Variants in ENTREP2 observed in about 807,000 individuals in gnomAD.
ENTREP2 encodes the protein endosomal transmembrane epsin interactor 2, also known as protein ENTREP2.
At chr15:29,468,557 C>A in the ENTREP2 span, among the ~76,000 whole-genome samples, 1 of 150,762 alleles carries the variant, frequency 6.6e-6, no homozygotes, top group African/African-American at 2.4e-5. Flanking sequence ...TTGCAGTGAG[C>A]CGAGATTGCC....
At chr15:29,210,839 C>T in the ENTREP2 span, among the ~76,000 whole-genome samples, 1 of 152,204 alleles carries the variant, frequency 6.6e-6, no homozygotes, top group Non-Finnish European at 1.5e-5. Flanking sequence ...TAATGGACTA[C>T]AACAAATCCC....
the ENTREP2 span, among the ~76,000 whole-genome samples, chr15:29,530,863 A>G: frequency 2.6e-5 from 4 of 152,210 alleles, no homozygotes; most frequent in South Asian, 8.3e-4. Context: ...CAGAGTTCCA[A>G]CCACAGGCCC....
At chr15:29,494,231 C>G in the ENTREP2 span, among the ~76,000 whole-genome samples, 1 of 151,652 alleles carries the variant, frequency 6.6e-6, no homozygotes, top group Admixed American at 6.6e-5. Context: ...AAACGCTTTC[C>G]AATATTTCAA....
the ENTREP2 span, among the ~76,000 whole-genome samples, chr15:29,599,577 A>T: frequency 6.6e-6 from 1 of 152,212 alleles, no homozygotes; most frequent in African/African-American, 2.4e-5. Flanking sequence ...TAAGCTCCAT[A>T]AGCCTATTTC....
the ENTREP2 span, among the ~76,000 whole-genome samples, chr15:29,568,533 T>TA: frequency 0.055 from 8,219 of 150,232 alleles, 600 homozygotes; most frequent in East Asian, 0.35. Context: ...CCCCATCTCT[T>TA]AAAAAAAAAA....
At chr15:29,535,426 G>A in the ENTREP2 span, among the ~76,000 whole-genome samples, 2 of 151,870 alleles carry the variant, frequency 1.3e-5, no homozygotes, top group Non-Finnish European at 2.9e-5. Context: ...GCTCATGCCT[G>A]TAATCCCACA....
chr15:29,365,159 T>G, the ENTREP2 span, among the ~76,000 whole-genome samples: 2 of 152,218 alleles, frequency 1.3e-5, no homozygotes, highest in Admixed American at 1.3e-4. Context: ...TGGTTGGAAC[T>G]ATACAGTCTA....
the ENTREP2 span, among the ~76,000 whole-genome samples, chr15:29,330,405 C>T: frequency 5.3e-5 from 8 of 152,100 alleles, no homozygotes; most frequent in East Asian, 5.8e-4. Flanking sequence ...GCCGAGATCA[C>T]GCCACTGCAC....
chr15:29,421,662 G>A, the ENTREP2 span, among the ~76,000 whole-genome samples: 1 of 152,106 alleles, frequency 6.6e-6, no homozygotes, highest in Non-Finnish European at 1.5e-5. Flanking sequence ...AACTTACAAT[G>A]CTCAAACTAC....
At chr15:29,332,957 C>T in the ENTREP2 span, among the ~76,000 whole-genome samples, 1 of 133,058 alleles carries the variant, frequency 7.5e-6, no homozygotes, top group Non-Finnish European at 1.6e-5. Flanking sequence ...GAAACTCCAT[C>T]TCAAAAAAAA....
At chr15:29,222,518 C>G in the ENTREP2 span, among the ~76,000 whole-genome samples, 1 of 152,152 alleles carries the variant, frequency 6.6e-6, no homozygotes, top group African/African-American at 2.4e-5. Flanking sequence ...TGGATTGGGA[C>G]CCCTTTTCGG....
At chr15:29,347,995 C>T in the ENTREP2 span, among the ~76,000 whole-genome samples, 1,507 of 152,210 alleles carry the variant, frequency 9.9e-3, 20 homozygotes, top group African/African-American at 0.034. Flanking sequence ...AGAGGGGCAC[C>T]ATCTGGGATG....
At chr15:29,482,379 T>G in the ENTREP2 span, among the ~76,000 whole-genome samples, 1 of 152,160 alleles carries the variant, frequency 6.6e-6, no homozygotes, top group Non-Finnish European at 1.5e-5. Context: ...TGGTATACAT[T>G]AGGGTTCACT....
At chr15:29,302,505 A>T in the ENTREP2 span, among the ~76,000 whole-genome samples, 1 of 152,220 alleles carries the variant, frequency 6.6e-6, no homozygotes, top group Non-Finnish European at 1.5e-5. Context: ...GATAAAGTTT[A>T]AGTCCATTAA....
At chr15:29,562,587 A>G in the ENTREP2 span, among the ~76,000 whole-genome samples, 1 of 152,216 alleles carries the variant, frequency 6.6e-6, no homozygotes, top group Non-Finnish European at 1.5e-5. Flanking sequence ...TAACTTTTCT[A>G]TAAGTTAGAA....
At chr15:29,558,049 A>G in the ENTREP2 span, among the ~76,000 whole-genome samples, 1 of 152,286 alleles carries the variant, frequency 6.6e-6, no homozygotes, top group South Asian at 2.1e-4. Flanking sequence ...GAGGTTAAGG[A>G]ATTAGGCAGT....
At chr15:29,653,625 C>T in the ENTREP2 span, among the ~76,000 whole-genome samples, 1 of 152,190 alleles carries the variant, frequency 6.6e-6, no homozygotes, top group Non-Finnish European at 1.5e-5. Context: ...AAGAAGGTGC[C>T]TTGCTTCCCC....
chr15:29,229,262 TA>T, the ENTREP2 span, among the ~76,000 whole-genome samples: 1 of 152,200 alleles, frequency 6.6e-6, no homozygotes, highest in Admixed American at 6.5e-5. Flanking sequence ...TTCTCCATGG[TA>T]AAACTGAGAA....
At chr15:29,389,624 C>G in the ENTREP2 span, among the ~76,000 whole-genome samples, 1 of 152,212 alleles carries the variant, frequency 6.6e-6, no homozygotes, top group Non-Finnish European at 1.5e-5. Context: ...AGGGCCTCAG[C>G]TCACAGCACA....
Sources: gnomAD v4.1 joint callset for allele counts (sites outside exome capture counted in the v4.1 genomes callset) on GRCh38, gnomAD v4.1.1 for gene constraint, MANE v1.5 for transcripts, NCBI Gene and HGNC (gene_info 2026-07-23, HGNC 2026-07-21) for gene names.